The following DPYD variants were observed in gnomAD, a reference collection of about 807,000 sequenced individuals.
DPYD encodes the protein dihydropyrimidine dehydrogenase.
DPYD carries 109 observed loss-of-function variants against 116.2 expected under a neutral mutation model. That is an observed-to-expected ratio of 0.94 (90% CI 0.80 to 1.10). DPYD has a LOEUF of 1.10. Among genes scored for constraint, DPYD ranks in the 50% least tolerant of loss-of-function variants. The pLI is 0.00. For missense variants in DPYD, 1,302 were observed against 1,254.5 expected, an observed-to-expected ratio of 1.04 and a Z score of -0.57; for synonymous variants, 440 against 432.0, an observed-to-expected ratio of 1.02 and a Z score of -0.23.
chr1:97,184,539 C>T (rs75992642), intron 20 of DPYD, among the ~76,000 whole-genome samples: 10,296 of 152,044 alleles, frequency 0.068, 453 homozygotes, highest in Middle Eastern at 0.11. Flanking sequence ...TTTTTTCATA[C>T]GCTTGTTGGC....
chr1:97,489,001 C>T lies in DPYD; in HGVS notation c.1740+26725G>A, dbSNP rs12074451. 2.1e-3 allele frequency among the ~76,000 whole-genome samples: 316 copies of T among 152,344 alleles called. 1 individual carries two copies. Among genetic ancestry groups the T allele is most frequent in the African/African-American group, 7.0e-3 (292 of 41,588 alleles). On this transcript the variant is annotated intron_variant, in intron 13 of 22. Transcript: ENST00000370192. The stretch of plus-strand genomic sequence containing the variant: ...CAGTAAAAGTTGCTAACACCTCTGG[C>T]TTGCCCTTGAATTCATTCCTAGGCA...
At chr1:97,731,095 T>A (rs1297971163) in intron 4 of DPYD, among the ~76,000 whole-genome samples, 1 of 152,114 alleles carries the variant, frequency 6.6e-6, no homozygotes, top group East Asian at 1.9e-4. Context: ...AATGATTATT[T>A]ATGCCATGCC....
chr1:97,395,922 C>A (rs1253066101), intron 14 of DPYD, among the ~76,000 whole-genome samples: 2 of 152,010 alleles, frequency 1.3e-5, no homozygotes, highest in Admixed American at 6.6e-5. Context: ...CAGTCCCTAG[C>A]CCACCTGGAA....
chr1:97,238,087 T>G (rs1039891784), intron 18 of DPYD, among the ~76,000 whole-genome samples: 1 of 152,156 alleles, frequency 6.6e-6, no homozygotes, highest in Non-Finnish European at 1.5e-5. Flanking sequence ...ATCAGCAAAT[T>G]CTTATTGGCA....
rs1195361942 is a variant in DPYD, at chr1:97,287,660, C to T, written c.2299+17599G>A. ...GAGCACCCCTCCCCCAGCCTCGCTG[C>T]CGCCTTGCAGTTTGATCTCAGACTG... On this transcript the variant is annotated intron_variant, in intron 18 of 22. Transcript: ENST00000370192. Among the ~76,000 whole-genome samples, 3 of 152,132 alleles carry T rather than the reference C, an allele frequency of 2.0e-5. No individual in the cohort carries two copies. In the East Asian group the frequency reaches 5.8e-4, roughly 29 times the overall value.
chr1:97,882,052 T>C (rs1672253193), intron 2 of DPYD, among the ~76,000 whole-genome samples: 1 of 151,906 alleles, frequency 6.6e-6, no homozygotes, highest in South Asian at 2.1e-4. Flanking sequence ...AAAAATTATA[T>C]GATTCTTTTT....
chr1:97,286,219 C>A (rs1392240021), intron 18 of DPYD, among the ~76,000 whole-genome samples: 5 of 151,932 alleles, frequency 3.3e-5, no homozygotes, highest in Non-Finnish European at 5.9e-5. Context: ...GTTGAAAATT[C>A]TTTTCTTTAA....
At chr1:97,127,351 G>A (rs1009418523) in intron 20 of DPYD, among the ~76,000 whole-genome samples, 1 of 152,056 alleles carries the variant, frequency 6.6e-6, no homozygotes, top group African/African-American at 2.4e-5. Context: ...GGTAGGGGAG[G>A]GTCTTGGAAG....
rs183399901 is a variant in DPYD at position 97,904,122 on chromosome 1, C to G, written c.39+16762G>C. 1.2e-3 allele frequency among the ~76,000 whole-genome samples: 183 copies of G among 152,054 alleles called. No individual in the cohort carries two copies. The Middle Eastern group carries it at 0.024, about 20-fold the overall frequency. On this transcript the variant is annotated intron_variant, in intron 1 of 22. Transcript: ENST00000370192. ...CTTCTCTGCACCATCCCTCCCCTAA[C>G]TCCCATTTACTAGTTTACCATCATA...
intron 18 of DPYD, among the ~76,000 whole-genome samples, chr1:97,243,227 T>G (rs1172036305): frequency 4.6e-5 from 7 of 151,916 alleles, no homozygotes; most frequent in Admixed American, 3.3e-4. Flanking sequence ...TTTTATATGC[T>G]CTATAGTTTT....
At chr1:97,910,679 T>C (rs1258382776) in intron 1 of DPYD, among the ~76,000 whole-genome samples, 2 of 152,058 alleles carry the variant, frequency 1.3e-5, no homozygotes, top group African/African-American at 2.4e-5. Flanking sequence ...CACAAATCTA[T>C]GCTGTCCTTC....
chr1:97,428,854 A>T (rs1675016218), intron 14 of DPYD, among the ~76,000 whole-genome samples: 1 of 151,978 alleles, frequency 6.6e-6, no homozygotes, highest in Non-Finnish European at 1.5e-5. Flanking sequence ...TCAAAATGTG[A>T]ATATGATTAT....
At chr1:97,151,546 G>A (rs1342154205) in intron 20 of DPYD, among the ~76,000 whole-genome samples, 2 of 152,016 alleles carry the variant, frequency 1.3e-5, no homozygotes, top group Non-Finnish European at 2.9e-5. Flanking sequence ...ATGGTGGTGG[G>A]CGCCTGTAAT....
intron 20 of DPYD, among the ~76,000 whole-genome samples, chr1:97,147,124 T>C (rs1654687385): frequency 6.6e-6 from 1 of 152,112 alleles, no homozygotes; most frequent in Admixed American, 6.6e-5. Flanking sequence ...CCGAGGCCAG[T>C]GGACCATGAG....
At chr1:97,695,606 C>T (rs1163644777) in intron 6 of DPYD, among the ~76,000 whole-genome samples, 15 of 150,038 alleles carry the variant, frequency 1.0e-4, no homozygotes. Flanking sequence ...TATATATATA[C>T]TGAAGGAAGG....
At chr1:97,741,992 T>A (rs1054332664) in intron 3 of DPYD, among the ~76,000 whole-genome samples, 1 of 152,062 alleles carries the variant, frequency 6.6e-6, no homozygotes, top group Non-Finnish European at 1.5e-5. Flanking sequence ...AGAAAGAGTA[T>A]GCACCAGTGC....
chr1:97,893,872 G>GA (rs1019337321), intron 1 of DPYD, among the ~76,000 whole-genome samples: 36 of 149,452 alleles, frequency 2.4e-4, no homozygotes, highest in South Asian at 1.7e-3. Flanking sequence ...ATCTCTATGT[G>GA]AAAAAAAAAG....
At chr1:97,867,333 G>A (rs1405934144) in intron 2 of DPYD, among the ~76,000 whole-genome samples, 1 of 151,762 alleles carries the variant, frequency 6.6e-6, no homozygotes, top group Non-Finnish European at 1.5e-5. Flanking sequence ...TCTGTCTTAT[G>A]TACTCAAAAA....
intron 3 of DPYD, among the ~76,000 whole-genome samples, chr1:97,800,670 G>A (rs1230048083): frequency 6.6e-6 from 1 of 151,718 alleles, no homozygotes; most frequent in Non-Finnish European, 1.5e-5. Context: ...CCCAAATAGT[G>A]CTGCCACCAT....
Sources: allele counts gnomAD v4.1 joint callset (sites outside exome capture counted in the v4.1 genomes callset), GRCh38; gene constraint gnomAD v4.1.1; transcripts MANE v1.5; gene names NCBI Gene and HGNC (gene_info 2026-07-23, HGNC 2026-07-21).